The following TRPM3 variants were observed in gnomAD, a reference collection of about 807,000 sequenced individuals.
The protein encoded by TRPM3 is long transient receptor potential channel 3.
TRPM3 carries 77 observed loss-of-function variants against 181.2 expected under a neutral mutation model. The observed-to-expected ratio is 0.42, with a 90% CI of 0.35 to 0.51. TRPM3 has a LOEUF of 0.51. TRPM3 is among the 20% of genes least tolerant of loss of function. The pLI is 0.01. For missense variants in TRPM3, 1,759 were observed against 2,196.7 expected (o/e 0.80, Z 3.98); for synonymous variants, 745 against 796.4 (o/e 0.94, Z 1.09).
intron 11 of TRPM3, among the ~76,000 whole-genome samples, chr9:70,635,659 A>T (rs1459080294): frequency 6.6e-6 from 1 of 151,190 alleles, no homozygotes; most frequent in Non-Finnish European, 1.5e-5. Context: ...TGGGGGTCTC[A>T]CTATGTTGCC....
At chr9:70,898,747 C>CAAAA (rs34952516) in intron 1 of TRPM3, among the ~76,000 whole-genome samples, 131 of 92,948 alleles carry the variant, frequency 1.4e-3, no homozygotes, top group East Asian at 2.0e-3. Flanking sequence ...GACTTCATCT[C>CAAAA]AAAAAAAAAA....
At chr9:71,028,454 C>T (rs186853882) in intron 1 of TRPM3, among the ~76,000 whole-genome samples, 32 of 152,318 alleles carry the variant, frequency 2.1e-4, no homozygotes, top group South Asian at 1.9e-3. Context: ...ATCAAATCCA[C>T]ATGTATCAAT....
chr9:70,783,239 A>G (rs2082853777), intron 7 of TRPM3, among the ~76,000 whole-genome samples: 1 of 152,222 alleles, frequency 6.6e-6, no homozygotes, highest in African/African-American at 2.4e-5. Flanking sequence ...AAAGGCATGA[A>G]TAAAAGACCA....
At chr9:71,442,252 G>A (rs1007533651) in intron 1 of TRPM3, among the ~76,000 whole-genome samples, 3 of 152,214 alleles carry the variant, frequency 2.0e-5, no homozygotes, top group Admixed American at 2.0e-4. Flanking sequence ...TATAGCATTA[G>A]TGGAAGCAAG....
chr9:70,612,683 T>A (rs938144826), intron 18 of TRPM3, among the ~76,000 whole-genome samples: 1 of 152,206 alleles, frequency 6.6e-6, no homozygotes, highest in Admixed American at 6.5e-5. Flanking sequence ...TGTATTTTCA[T>A]CATTGAGTGG....
intron 1 of TRPM3, among the ~76,000 whole-genome samples, chr9:71,046,655 T>G (rs1027835321): frequency 3.3e-5 from 5 of 152,200 alleles, no homozygotes; most frequent in Non-Finnish European, 7.3e-5. Context: ...GAGATATTTT[T>G]TTCCTGGAGG....
intron 1 of TRPM3, among the ~76,000 whole-genome samples, chr9:71,095,756 G>GT (rs2067048573): frequency 1.3e-5 from 1 of 74,160 alleles, no homozygotes; most frequent in Non-Finnish European, 2.4e-5. Context: ...GAGACTCTGT[G>GT]TCAAAAAAAA....
At chr9:70,990,047 A>C (rs886548660) in intron 1 of TRPM3, among the ~76,000 whole-genome samples, 2 of 152,212 alleles carry the variant, frequency 1.3e-5, no homozygotes, top group African/African-American at 4.8e-5. Flanking sequence ...TACAATGAGG[A>C]AACTACAGAG....
At chr9:70,943,561 C>T (rs1246689606) in intron 1 of TRPM3, among the ~76,000 whole-genome samples, 1 of 152,170 alleles carries the variant, frequency 6.6e-6, no homozygotes, top group Non-Finnish European at 1.5e-5. Flanking sequence ...TGCAAATCCT[C>T]TTAACACACG....
intron 20 of TRPM3, among the ~76,000 whole-genome samples, chr9:70,599,109 T>C (rs1425714705): frequency 6.6e-6 from 1 of 152,114 alleles, no homozygotes; most frequent in Non-Finnish European, 1.5e-5. Flanking sequence ...AAATGCAACC[T>C]AGCCAACTAC....
At chr9:71,237,685 G>A (rs936271257) in intron 1 of TRPM3, among the ~76,000 whole-genome samples, 1 of 152,140 alleles carries the variant, frequency 6.6e-6, no homozygotes, top group Non-Finnish European at 1.5e-5. Context: ...TCCTTAGAGA[G>A]TGTCTCAGTC....
chr9:71,293,467 T>C (rs1238393698), intron 1 of TRPM3, among the ~76,000 whole-genome samples: 1 of 151,790 alleles, frequency 6.6e-6, no homozygotes, highest in African/African-American at 2.4e-5. Context: ...AATATATCCT[T>C]TACAAATAAA....
rs78246314 is a variant in TRPM3 at position 71,246,714 on chromosome 9, C to G, written c.183+199939G>C. On this transcript the variant is annotated intron_variant, in intron 1 of 24. Coordinates refer to the TRPM3 transcript ENST00000357533. ...AATAACAGGATTTACTTTGCCATCTCAAAATTGTCCTCTGTAAATTCACAC... is the reference window on the plus strand; with the variant it reads ...AATAACAGGATTTACTTTGCCATCTGAAAATTGTCCTCTGTAAATTCACAC... 3.4e-3 allele frequency among the ~76,000 whole-genome samples: 513 copies of G among 152,312 alleles called. 1 individual carries two copies. Among genetic ancestry groups the G allele is most frequent in the African/African-American group, 0.012 (487 of 41,580 alleles).
chr9:71,120,881 T>G (rs754772308), intron 1 of TRPM3, among the ~76,000 whole-genome samples: 8 of 152,130 alleles, frequency 5.3e-5, no homozygotes, highest in Non-Finnish European at 8.8e-5. Context: ...TAATTAATTC[T>G]GTTTTAGGAA....
At chr9:70,739,598 A>ATT in intron 8 of TRPM3, among the ~76,000 whole-genome samples, 1 of 147,834 alleles carries the variant, frequency 6.8e-6, no homozygotes. Context: ...TTTATTATTT[A>ATT]TTTTTTTTTT....
intron 9 of TRPM3, among the ~76,000 whole-genome samples, chr9:70,641,547 T>TC (rs1655855537): frequency 6.6e-6 from 1 of 152,300 alleles, no homozygotes; most frequent in African/African-American, 2.4e-5. Flanking sequence ...TTCTTATTTT[T>TC]CTCCAGATTC....
intron 1 of TRPM3, among the ~76,000 whole-genome samples, chr9:71,186,006 G>T (rs1378058995): frequency 6.6e-6 from 1 of 151,958 alleles, no homozygotes; most frequent in Non-Finnish European, 1.5e-5. Context: ...ATCCTTCTTT[G>T]CCTCTTCCTA....
chr9:71,375,993 T>C (rs904816594), intron 1 of TRPM3, among the ~76,000 whole-genome samples: 4 of 152,096 alleles, frequency 2.6e-5, no homozygotes, highest in African/African-American at 9.7e-5. Flanking sequence ...GAACCTACAA[T>C]ATCTCCAAGG....
At chr9:70,939,793 G>T (rs992216772) in intron 1 of TRPM3, among the ~76,000 whole-genome samples, 1 of 152,036 alleles carries the variant, frequency 6.6e-6, no homozygotes, top group Admixed American at 6.6e-5. Flanking sequence ...GCTTCTACTT[G>T]GCATTCTCAT....
Sources: allele counts gnomAD v4.1 joint callset (sites outside exome capture counted in the v4.1 genomes callset), GRCh38; gene constraint gnomAD v4.1.1; transcripts MANE v1.5; gene names NCBI Gene and HGNC (gene_info 2026-07-23, HGNC 2026-07-21).